VTI1A: variants seen among roughly 807,000 people sequenced by gnomAD.
The protein encoded by VTI1A is vesicle transport through interaction with t-SNAREs 1A.
Under a neutral mutation model 34.9 loss-of-function variants are expected in VTI1A, and 22 were observed. The ratio of observed to expected loss-of-function variants is 0.63; its 90% confidence interval spans 0.45 to 0.90. The LOEUF (loss-of-function observed/expected upper bound fraction) is 0.90, where lower values mean the gene tolerates loss of function less well. VTI1A is among the 40% of genes least tolerant of loss of function. The probability of loss-of-function intolerance (pLI) is 0.00; values close to 1 mark genes in which losing one functional copy is unlikely to be tolerated. For synonymous variants in VTI1A, 87 were observed against 97.3 expected, an observed-to-expected ratio of 0.89 and a Z score of 0.62; for missense variants, 268 against 275.6, an observed-to-expected ratio of 0.97 and a Z score of 0.20.
At chr10:112,749,534 C>T (rs1184599171) in intron 7 of VTI1A, among the ~76,000 whole-genome samples, 2 of 152,176 alleles carry the variant, frequency 1.3e-5, no homozygotes, top group Admixed American at 1.3e-4. Context: ...GGATCTGTGG[C>T]CCTTGATGAA....
chr10:112,574,732 GGACAT>G (rs1005162631), intron 5 of VTI1A, among the ~76,000 whole-genome samples: 10 of 152,326 alleles, frequency 6.6e-5, no homozygotes, highest in Admixed American at 5.9e-4. Context: ...AAAATCGAAT[GGACAT>G]GACAGAAGTA....
intron 3 of VTI1A, among the ~76,000 whole-genome samples, chr10:112,473,908 A>G (rs1166407093): frequency 1.3e-5 from 2 of 152,196 alleles, no homozygotes; most frequent in East Asian, 1.9e-4. Flanking sequence ...TCCTTTTTCT[A>G]AGATACTCTT....
chr10:112,565,430 A>T (rs941916826), intron 5 of VTI1A, among the ~76,000 whole-genome samples: 1 of 152,210 alleles, frequency 6.6e-6, no homozygotes, highest in African/African-American at 2.4e-5. Context: ...TTAATTTTAA[A>T]AGACTTATTT....
chr10:112,600,463 C>T (rs1237287775), intron 5 of VTI1A, among the ~76,000 whole-genome samples: 9 of 152,138 alleles, frequency 5.9e-5, no homozygotes, highest in African/African-American at 1.9e-4. Flanking sequence ...CTAAAATACC[C>T]AGCACACCCT....
At chr10:112,779,239 G>A (rs1224380644) in intron 7 of VTI1A, among the ~76,000 whole-genome samples, 2 of 152,132 alleles carry the variant, frequency 1.3e-5, no homozygotes, top group African/African-American at 4.8e-5. Context: ...GAATCAACTT[G>A]GATGGAATAA....
chr10:112,647,107 C>T (rs1426213476), intron 5 of VTI1A, among the ~76,000 whole-genome samples: 1 of 152,068 alleles, frequency 6.6e-6, no homozygotes, highest in Admixed American at 6.5e-5. Context: ...ATCAGGATTT[C>T]CAAGAAAAAA....
At chr10:112,636,816 A>T (rs1846372720) in intron 5 of VTI1A, among the ~76,000 whole-genome samples, 1 of 152,176 alleles carries the variant, frequency 6.6e-6, no homozygotes, top group Admixed American at 6.5e-5. Context: ...TATAAATTAA[A>T]TGCTAGAGAT....
intron 7 of VTI1A, among the ~76,000 whole-genome samples, chr10:112,774,737 A>T (rs1053402018): frequency 1.1e-4 from 17 of 152,284 alleles, no homozygotes; most frequent in Admixed American, 3.3e-4. Context: ...ATTAACTCTT[A>T]TTACCTGGAA....
Position 112,815,270 on chromosome 10 carries a change from T to C in VTI1A, c.561-20T>C. The stretch of plus-strand genomic sequence containing the variant: ...CTTCCACTTATCTGTGTGTGTTTTT[T>C]CTCCTTTGCTGTCTCCTAGAATCAT... On this transcript the variant is annotated intron_variant, in intron 7 of 7. Transcript: ENST00000393077. 12 of 1,609,364 alleles carry C rather than the reference T, an allele frequency of 7.5e-6. No individual in the cohort carries two copies. Among genetic ancestry groups the C allele is most frequent in the Non-Finnish European group, 1.0e-5 (12 of 1,176,330 alleles).
intron 5 of VTI1A, among the ~76,000 whole-genome samples, chr10:112,577,700 A>G (rs967023432): frequency 2.0e-5 from 3 of 152,258 alleles, no homozygotes; most frequent in African/African-American, 7.2e-5. Context: ...AAGGAACATT[A>G]TCCTGGTAGT....
At chr10:112,576,222 G>A (rs1392652170) in intron 5 of VTI1A, among the ~76,000 whole-genome samples, 1 of 149,578 alleles carries the variant, frequency 6.7e-6, no homozygotes, top group African/African-American at 2.5e-5. Context: ...GGGTTTCACC[G>A]TGTTAGCTAA....
rs1853584323 is a variant in VTI1A at position 112,818,422 on chromosome 10, A to G, written c.*3039A>G. 2 of 232,170 alleles carry G rather than the reference A, an allele frequency of 8.6e-6. No homozygotes were observed. Among genetic ancestry groups the G allele is most frequent in the Admixed American group, 5.6e-5 (1 of 17,740 alleles). The allele number at this position is 232,170 out of a possible 1,614,324, so 14.4% of individuals were successfully genotyped here. ...AGGGGAAAAAAAAGAAAGAAAGGAA[A>G]AGCAACTGTCTTTCTCTCCCTCTCT... On this transcript the variant is annotated 3_prime_UTR_variant, in exon 8 of 8. Transcript: ENST00000393077.
the VTI1A span, among the ~76,000 whole-genome samples, chr10:112,844,801 C>A: frequency 6.6e-6 from 1 of 152,328 alleles, no homozygotes; most frequent in East Asian, 1.9e-4. Flanking sequence ...CTTAACTGTG[C>A]AGCGCAAAAT....
At chr10:112,608,517 C>A (rs1443844362) in intron 5 of VTI1A, among the ~76,000 whole-genome samples, 1 of 152,064 alleles carries the variant, frequency 6.6e-6, no homozygotes, top group African/African-American at 2.4e-5. Context: ...ACCACTTAAA[C>A]CACATGTAGA....
At chr10:112,614,990 A>G (rs1035579315) in intron 5 of VTI1A, among the ~76,000 whole-genome samples, 5 of 152,180 alleles carry the variant, frequency 3.3e-5, no homozygotes, top group Admixed American at 6.5e-5. Context: ...ATCCAAGGAA[A>G]GGGATGGAGT....
At chr10:112,763,743 C>T (rs1851558873) in intron 7 of VTI1A, among the ~76,000 whole-genome samples, 1 of 152,140 alleles carries the variant, frequency 6.6e-6, no homozygotes, top group South Asian at 2.1e-4. Flanking sequence ...TCATCTCAGT[C>T]TAGCTCTCGG....
chr10:112,682,338 T>C (rs1848244419), intron 7 of VTI1A, among the ~76,000 whole-genome samples: 1 of 152,214 alleles, frequency 6.6e-6, no homozygotes, highest in African/African-American at 2.4e-5. Flanking sequence ...CACCTCTTTT[T>C]CTTCCCTGAA....
At chr10:112,567,764 A>C (rs1242445018) in intron 5 of VTI1A, among the ~76,000 whole-genome samples, 1 of 152,198 alleles carries the variant, frequency 6.6e-6, no homozygotes. Context: ...GACCTGTTCA[A>C]ATTCGAGAGT....
At chr10:112,492,648 A>G (rs943090721) in intron 3 of VTI1A, among the ~76,000 whole-genome samples, 5 of 152,064 alleles carry the variant, frequency 3.3e-5, no homozygotes, top group African/African-American at 4.8e-5. Flanking sequence ...TTAGCTGGGC[A>G]TGGTGGAGAA....
Sources: gnomAD v4.1 joint callset for allele counts (sites outside exome capture counted in the v4.1 genomes callset) on GRCh38, gnomAD v4.1.1 for gene constraint, MANE v1.5 for transcripts, NCBI Gene and HGNC (gene_info 2026-07-23, HGNC 2026-07-21) for gene names.